The following CCNA1 variants were observed in gnomAD, a reference collection of about 807,000 sequenced individuals.
CCNA1 encodes cyclin A1, also known as cyclin-A1.
A neutral mutation model predicts 54.1 loss-of-function variants in CCNA1; 23 were observed. The observed-to-expected ratio is 0.42, with a 90% CI of 0.31 to 0.60. The LOEUF (loss-of-function observed/expected upper bound fraction) is 0.60. Ranked by LOEUF, CCNA1 falls within the 20% of genes least tolerant of loss-of-function variation. CCNA1 has a pLI of 0.14. For missense variants in CCNA1, 450 were observed against 556.7 expected, an observed-to-expected ratio of 0.81 and a Z score of 1.93; for synonymous variants, 208 against 213.9, an observed-to-expected ratio of 0.97 and a Z score of 0.24.
At position 36,432,591 on chromosome 13, in the gene CCNA1, C is replaced by A; in HGVS notation, c.-31C>A. On this transcript the variant is annotated 5_prime_UTR_variant, in exon 1 of 9. Coordinates refer to ENST00000255465, the MANE Select transcript of CCNA1 (RefSeq NM_003914.4). Reference sequence around the variant, plus strand: ...GGGCCTCCTGTCTGGTGGGAGGAGGCCGCAGCGCAGCACCCTGCTCGTCAC... The same window carrying A: ...GGGCCTCCTGTCTGGTGGGAGGAGGACGCAGCGCAGCACCCTGCTCGTCAC... 3 of 1,445,218 alleles carry A rather than the reference C, an allele frequency of 2.1e-6. No homozygotes were observed. The highest frequency in any genetic ancestry group is 1.3e-5 in the South Asian group (1 of 74,524). The allele number at this position is 1,445,218 out of a possible 1,614,324, so 89.5% of individuals were successfully genotyped here.
In CCNA1 at chr13:36,437,733, G is replaced by C; in HGVS notation, c.402G>C (p.Gly134=). The change falls in exon 3 of 9, where the codon GGG becomes GGC. Residue 134 remains glycine, a synonymous_variant. Coordinates refer to ENST00000255465, the MANE Select transcript of CCNA1 (RefSeq NM_003914.4). Reference sequence around the variant, plus strand: ...GGGTCCAAGAGCCCCCCAAGCAAGGGTTTGACATCTACATGGATGAACTAG... The same window carrying C: ...GGGTCCAAGAGCCCCCCAAGCAAGGCTTTGACATCTACATGGATGAACTAG... The C allele has an allele frequency of 6.2e-7, 1 of 1,614,170 alleles. No homozygotes were observed. The highest frequency in any genetic ancestry group is 1.1e-5 in the South Asian group (1 of 91,088).
At position 36,435,354 on chromosome 13, in the gene CCNA1, C is replaced by A. The variant is rs564337898; in HGVS notation, c.297+2133C>A. Among the ~76,000 whole-genome samples the A allele has an allele frequency of 3.9e-5, 6 of 152,326 alleles. No homozygotes were observed. In the South Asian group the frequency reaches 6.2e-4, roughly 16 times the overall value. On this transcript the variant is annotated intron_variant, in intron 2 of 8. Coordinates refer to ENST00000255465, the MANE Select transcript of CCNA1 (RefSeq NM_003914.4). ...TTGTGTGTCCATTACTTTGAACAGA[C>A]CTGGGCCTGGCCAGGATGGCACACA...
chr13:36,433,366 TTTATTTTCTTTC>T (rs1476705738), intron 2 of CCNA1, 145 bp downstream of exon 2: 3 of 354,578 alleles, frequency 8.5e-6, no homozygotes, highest in Non-Finnish European at 1.4e-5. Context: ...AGTTGATTGA[TTTATTTTCTTTC>T]TTTCTTTCTT....
chr13:36,439,339 C>G (rs1263837765), intron 5 of CCNA1, among the ~76,000 whole-genome samples: 1 of 152,100 alleles, frequency 6.6e-6, no homozygotes, highest in Non-Finnish European at 1.5e-5. Context: ...GAAAAGAGAG[C>G]TGGGTTGTGG....
At chr13:36,441,054 C>G (rs1432299646) in intron 6 of CCNA1, 64 bp from the exon 7 acceptor site, 5 of 800,726 alleles carry the variant, frequency 6.2e-6, no homozygotes, top group Non-Finnish European at 1.0e-5. Context: ...CTTGCCATTT[C>G]CAGGCTTACT....
intron 2 of CCNA1, among the ~76,000 whole-genome samples, chr13:36,436,113 T>C (rs534409076): frequency 2.5e-4 from 38 of 152,368 alleles, no homozygotes; most frequent in African/African-American, 5.5e-4. Context: ...ATTGGCTTAC[T>C]TACTCTCCAC....
At chr13:36,437,412 A>G (rs1309154395) in intron 2 of CCNA1, among the ~76,000 whole-genome samples, 1 of 152,156 alleles carries the variant, frequency 6.6e-6, no homozygotes, top group Non-Finnish European at 1.5e-5. Flanking sequence ...TTAAAATTTT[A>G]GGTAGCTCTT....
rs1464691967 is a variant in CCNA1, at chr13:36,433,423, T to TTTCGTTCGTTCG, written c.297+205_297+206insGTTCGTTCGTTC. ...CTTTCTTTCTTTCTTTCTTTCTTTC[T>TTTCGTTCGTTCG]TTCTTTCTTTCTTTCTTTCGTTCTT... On this transcript the variant is annotated intron_variant, in intron 2 of 8. Transcript: ENST00000255465. 6.2e-4 allele frequency among the ~76,000 whole-genome samples: 75 copies of TTTCGTTCGTTCG among 121,334 alleles called. 2 individuals carry two copies. Among genetic ancestry groups the TTTCGTTCGTTCG allele is most frequent in the African/African-American group, 2.2e-3 (71 of 32,300 alleles). 79.6% of individuals were successfully genotyped at this position (121,334 alleles called of 152,430 possible). A position where few individuals can be genotyped will look rare whatever the true frequency, so the allele number is the denominator to read the frequency against.
At chr13:36,438,958 G>A (rs970715055) in intron 5 of CCNA1, 91 bp downstream of exon 5, 4 of 911,998 alleles carry the variant, frequency 4.4e-6, no homozygotes, top group Non-Finnish European at 5.3e-6. Context: ...GAAATGCAAT[G>A]CTTGATAATT....
chr13:36,433,254 G>C, intron 2 of CCNA1, 33 bp downstream of exon 2: 1 of 1,556,068 alleles, frequency 6.4e-7, no homozygotes, highest in East Asian at 2.3e-5. Context: ...AATGATGCTT[G>C]TGGAGAACAG....
intron 8 of CCNA1, 56 bp from the exon 9 acceptor site, chr13:36,442,558 T>G: frequency 6.3e-7 from 1 of 1,578,048 alleles, no homozygotes; most frequent in Non-Finnish European, 8.7e-7. Flanking sequence ...TGACCTGAGA[T>G]TTTATCAAAC....
intron 4 of CCNA1, 106 bp downstream of exon 4, chr13:36,438,297 C>A: frequency 1.1e-6 from 1 of 943,762 alleles, no homozygotes; most frequent in Non-Finnish European, 1.6e-6. Flanking sequence ...CACTCTTATG[C>A]CAGCTAAACA....
In CCNA1 at chr13:36,438,766, C is replaced by T. The variant is rs1411495443; in HGVS notation, c.792C>T (p.Thr264=). The stretch of plus-strand genomic sequence containing the variant: ...AAGAATATAAACTTCGAGCAGAGAC[C>T]CTGTATCTGGCTGTCAACTTCCTGG... Residue 264 remains threonine, a synonymous_variant, in exon 5 of 9, where the codon ACC becomes ACT. Transcript: ENST00000255465. 6.2e-7 allele frequency: 1 copy of T among 1,613,852 alleles called. No individual in the cohort carries two copies.
intron 2 of CCNA1, among the ~76,000 whole-genome samples, chr13:36,435,911 G>C (rs562338074): frequency 1.6e-4 from 24 of 152,256 alleles, no homozygotes; most frequent in Admixed American, 1.3e-3. Context: ...CATCCTTTCT[G>C]TTATTTAGCC....
chr13:36,441,357 G>C (rs1314048038), intron 7 of CCNA1, 126 bp downstream of exon 7: 2 of 589,612 alleles, frequency 3.4e-6, no homozygotes, highest in Non-Finnish European at 3.1e-6. Context: ...ATGCCACTGA[G>C]TCTTCCAGGT....
At chr13:36,438,564 G>T in intron 4 of CCNA1, 80 bp from the exon 5 acceptor site, 1 of 988,534 alleles carries the variant, frequency 1.0e-6, no homozygotes, top group South Asian at 1.5e-5. Context: ...TTGCTTGTGA[G>T]ATTTTTAAAT....
chr13:36,440,717 A>G (rs2055865276), intron 6 of CCNA1, among the ~76,000 whole-genome samples: 1 of 152,206 alleles, frequency 6.6e-6, no homozygotes, highest in Admixed American at 6.5e-5. Flanking sequence ...CTAATATGAG[A>G]TATTCCCACT....
At chr13:36,433,375 T>TTTCTTTC (rs2055744999) in intron 2 of CCNA1, among the ~76,000 whole-genome samples, 154 bp downstream of exon 2, 2 of 14,672 alleles carry the variant, frequency 1.4e-4, no homozygotes, top group African/African-American at 8.2e-4. Flanking sequence ...ATTTATTTTC[T>TTTCTTTC]TTCTTTCTTT....
At chr13:36,440,502 A>G (rs2055862854) in intron 6 of CCNA1, among the ~76,000 whole-genome samples, 1 of 152,210 alleles carries the variant, frequency 6.6e-6, no homozygotes, top group African/African-American at 2.4e-5. Context: ...AACAAAGTAA[A>G]TCTAGTTTAA....
Sources: gnomAD v4.1 joint callset for allele counts (sites outside exome capture counted in the v4.1 genomes callset) on GRCh38, gnomAD v4.1.1 for gene constraint, MANE v1.5 for transcripts, NCBI Gene and HGNC (gene_info 2026-07-23, HGNC 2026-07-21) for gene names.